Variants in FOXP1 observed in about 807,000 individuals in gnomAD.
FOXP1 encodes the protein forkhead box protein P1.
A neutral mutation model predicts 98.2 loss-of-function variants in FOXP1; 15 were observed. That is an observed-to-expected ratio of 0.15 (90% CI 0.10 to 0.24). The LOEUF (loss-of-function observed/expected upper bound fraction) is 0.24, where lower values mean the gene tolerates loss of function less well. Ranked by LOEUF, FOXP1 falls within the 10% of genes least tolerant of loss-of-function variation. The pLI is 1.00. For missense variants in FOXP1, 633 were observed against 848.5 expected (o/e 0.75, Z 3.15); for synonymous variants, 371 against 314.5 (o/e 1.18, Z -1.90).
chr3:70,980,991 T>G (rs1476263462), intron 14 of FOXP1, among the ~76,000 whole-genome samples: 1 of 152,138 alleles, frequency 6.6e-6, no homozygotes, highest in Non-Finnish European at 1.5e-5. Context: ...CTTTCAGTTT[T>G]GGGAGGAAGA....
Position 71,363,137 on chromosome 3 carries a change from A to AG in FOXP1, c.-167-3894dup, listed in dbSNP as rs201967316. Among the ~76,000 whole-genome samples, 1,037 of 151,944 alleles carry AG rather than the reference A, an allele frequency of 6.8e-3. 26 individuals carry two copies. The highest frequency in any genetic ancestry group is 4.1e-3 in the Non-Finnish European group (278 of 67,980). ...GTAAATGAATAACTTTAAAAAAAAA[A>AG]GGTGTGTTTAGATCTATTAAAGGTG... is the stretch of plus-strand genomic sequence containing the variant. On this transcript the variant is annotated intron_variant, in intron 3 of 20. Transcript: ENST00000649528.
intron 3 of FOXP1, among the ~76,000 whole-genome samples, chr3:71,381,190 G>A (rs370050125): frequency 7.1e-5 from 10 of 140,740 alleles, no homozygotes; most frequent in African/African-American, 2.1e-4. Context: ...TTGCTCTGTC[G>A]CCCAGGCTGG....
intron 6 of FOXP1, chr3:71,197,937 T>C: frequency 6.2e-7 from 1 of 1,614,208 alleles, no homozygotes; most frequent in Non-Finnish European, 8.5e-7. Flanking sequence ...GACACACAGG[T>C]CCACTCATCT....
At chr3:71,206,894 G>A (rs781405586) in intron 5 of FOXP1, among the ~76,000 whole-genome samples, 4 of 152,150 alleles carry the variant, frequency 2.6e-5, no homozygotes, top group Non-Finnish European at 4.4e-5. Flanking sequence ...GTGGGCAAAC[G>A]AGGGAAGTTA....
chr3:71,126,699 C>A (rs1365494000), intron 6 of FOXP1, among the ~76,000 whole-genome samples: 1 of 151,558 alleles, frequency 6.6e-6, no homozygotes. Context: ...TGGTGCACAC[C>A]TGTAGTCCCA....
intron 7 of FOXP1, among the ~76,000 whole-genome samples, chr3:71,096,579 C>T (rs2056476838): frequency 6.6e-6 from 1 of 152,112 alleles, no homozygotes; most frequent in African/African-American, 2.4e-5. Context: ...TATGTGAGCA[C>T]CTGACTGGGC....
intron 3 of FOXP1, among the ~76,000 whole-genome samples, chr3:71,412,382 T>C (rs1577366570): frequency 6.6e-6 from 1 of 152,176 alleles, no homozygotes; most frequent in African/African-American, 2.4e-5. Flanking sequence ...GTATTAGTCA[T>C]GTTGAGGGGC....
chr3:71,225,347 G>C (rs2065749648), intron 5 of FOXP1, among the ~76,000 whole-genome samples: 1 of 152,102 alleles, frequency 6.6e-6, no homozygotes, highest in South Asian at 2.1e-4. Context: ...TCAATTCTCT[G>C]AACAACTGGA....
chr3:71,091,388 G>A (rs1189079410), intron 7 of FOXP1, among the ~76,000 whole-genome samples: 1 of 152,120 alleles, frequency 6.6e-6, no homozygotes, highest in African/African-American at 2.4e-5. Flanking sequence ...AGCTACTTGG[G>A]AGGCTGAGGC....
At chr3:71,252,679 T>C (rs2068297210) in intron 5 of FOXP1, among the ~76,000 whole-genome samples, 1 of 152,164 alleles carries the variant, frequency 6.6e-6, no homozygotes, top group African/African-American at 2.4e-5. Flanking sequence ...GTACTATGAT[T>C]TTCCCAGTGT....
intron 7 of FOXP1, among the ~76,000 whole-genome samples, chr3:71,075,573 T>C (rs747171237): frequency 2.6e-5 from 4 of 152,186 alleles, no homozygotes; most frequent in Non-Finnish European, 5.9e-5. Flanking sequence ...AAGAATCATC[T>C]ACAAGAGGCA....
intron 6 of FOXP1, among the ~76,000 whole-genome samples, chr3:71,183,367 C>T (rs117549958): frequency 0.012 from 1,803 of 152,112 alleles, 22 homozygotes; most frequent in East Asian, 0.044. Context: ...GCAATAGTGG[C>T]GCGAGCCTGC....
At chr3:70,988,333 G>A (rs746495914) in intron 13 of FOXP1, among the ~76,000 whole-genome samples, 1 of 152,196 alleles carries the variant, frequency 6.6e-6, no homozygotes, top group Non-Finnish European at 1.5e-5. Flanking sequence ...GCAGTCCCAT[G>A]GAACACAGAC....
chr3:71,545,699 C>T (rs945580573), intron 2 of FOXP1, among the ~76,000 whole-genome samples: 1 of 152,124 alleles, frequency 6.6e-6, no homozygotes, highest in Non-Finnish European at 1.5e-5. Flanking sequence ...ATATCGTTTT[C>T]GCAATAGGTA....
chr3:71,279,268 A>C (rs1032343141), intron 5 of FOXP1, among the ~76,000 whole-genome samples: 4 of 152,146 alleles, frequency 2.6e-5, no homozygotes, highest in Admixed American at 1.3e-4. Flanking sequence ...AATATAAATC[A>C]ATACATGTTT....
chr3:70,957,072 C>CTAGTTCAA lies in FOXP1; in HGVS notation c.*2167_*2174dup, dbSNP rs1421110489. On this transcript the variant is annotated 3_prime_UTR_variant, in exon 21 of 21. Coordinates refer to ENST00000649528, the MANE Select transcript of FOXP1 (RefSeq NM_001349338.3). ...TTTTCTAGAAATACTATTATGTAAT[C>CTAGTTCAA]TAGTTCAATTATGGAAGCTTTTCTG... 4.5e-6 allele frequency: 1 copy of CTAGTTCAA among 222,798 alleles called. No homozygotes were observed. The highest frequency in any genetic ancestry group is 9.0e-6 in the Non-Finnish European group (1 of 111,694). 13.8% of individuals were successfully genotyped at this position (222,798 alleles called of 1,614,324 possible). A position where few individuals can be genotyped will look rare whatever the true frequency, so the allele number is the denominator to read the frequency against.
intron 3 of FOXP1, among the ~76,000 whole-genome samples, chr3:71,430,947 A>G (rs2084658115): frequency 6.6e-6 from 1 of 152,128 alleles, no homozygotes; most frequent in Admixed American, 6.5e-5. Context: ...ACCTGTACCA[A>G]TGGGCCCCTC....
intron 5 of FOXP1, among the ~76,000 whole-genome samples, chr3:71,224,407 G>A (rs2065663810): frequency 6.6e-6 from 1 of 152,144 alleles, no homozygotes; most frequent in Non-Finnish European, 1.5e-5. Context: ...AAGGGAGGGA[G>A]AGATGGTATA....
At chr3:71,520,676 C>A (rs567952960) in intron 2 of FOXP1, among the ~76,000 whole-genome samples, 5 of 152,112 alleles carry the variant, frequency 3.3e-5, no homozygotes, top group Admixed American at 1.3e-4. Context: ...TCAGGCATAC[C>A]CAAAATGCTG....
Sources: allele counts gnomAD v4.1 joint callset (sites outside exome capture counted in the v4.1 genomes callset), GRCh38; gene constraint gnomAD v4.1.1; transcripts MANE v1.5; gene names NCBI Gene and HGNC (gene_info 2026-07-23, HGNC 2026-07-21).